Variants in ZNF469 observed in about 807,000 individuals in gnomAD.
ZNF469 encodes zinc finger protein 469.
A neutral mutation model predicts 1.0 loss-of-function variants in ZNF469; 1 was observed. The observed-to-expected ratio is 1.00, with a 90% CI of 0.35 to 4.73. ZNF469 has a LOEUF of 4.73. ZNF469 is among the 30% of genes most tolerant of loss of function. The pLI is 0.16. For synonymous variants in ZNF469, 2,703 were observed against 2,363.4 expected (o/e 1.14, Z -4.17); for missense variants, 6,100 against 5,356.3 (o/e 1.14, Z -4.33).
chr16:88,139,716 G>T, the ZNF469 span, among the ~76,000 whole-genome samples: 3 of 152,214 alleles, frequency 2.0e-5, no homozygotes, highest in African/African-American at 7.2e-5. Flanking sequence ...CTGGCCTGGG[G>T]ACATGATGAG....
At chr16:88,238,112 C>T in the ZNF469 span, among the ~76,000 whole-genome samples, 2 of 152,362 alleles carry the variant, frequency 1.3e-5, no homozygotes, top group South Asian at 4.1e-4. Flanking sequence ...ATGAAATCCA[C>T]CCTCTAATTT....
chr16:88,238,000 C>G, the ZNF469 span, among the ~76,000 whole-genome samples: 3 of 152,252 alleles, frequency 2.0e-5, no homozygotes, highest in Non-Finnish European at 2.9e-5. Flanking sequence ...CCTGGCAGTT[C>G]CTTTCTTTAT....
the ZNF469 span, among the ~76,000 whole-genome samples, chr16:88,283,210 A>G: frequency 6.6e-6 from 1 of 152,014 alleles, no homozygotes; most frequent in Admixed American, 6.6e-5. Flanking sequence ...GAAACCATCT[A>G]TACCTTGACA....
intron 1 of ZNF469, among the ~76,000 whole-genome samples, chr16:88,421,580 A>C (rs1482053413): frequency 6.6e-6 from 1 of 152,178 alleles, no homozygotes; most frequent in Non-Finnish European, 1.5e-5. Flanking sequence ...TGCTGCAGGC[A>C]AATGTCCCTG....
chr16:88,381,657 A>G (rs979174709), upstream of ZNF469, among the ~76,000 whole-genome samples: 3 of 152,264 alleles, frequency 2.0e-5, no homozygotes, highest in East Asian at 1.9e-4. Flanking sequence ...GAGGCCCCAG[A>G]TGATGCCATG....
the ZNF469 span, among the ~76,000 whole-genome samples, chr16:88,115,727 ACTCCTTCTGGG>A: frequency 6.8e-6 from 1 of 146,904 alleles, no homozygotes; most frequent in Non-Finnish European, 1.5e-5. Flanking sequence ...TTCCAGCCGT[ACTCCTTCTGGG>A]GGCTCTGGGT....
chr16:88,366,707 CCATCAT>C, the ZNF469 span, among the ~76,000 whole-genome samples: 29 of 151,602 alleles, frequency 1.9e-4, no homozygotes, highest in Admixed American at 9.8e-4. Context: ...ATCACCATCA[CCATCAT>C]CATCACCATC....
chr16:88,419,289 T>G (rs1314196463), intron 1 of ZNF469, among the ~76,000 whole-genome samples: 1 of 152,082 alleles, frequency 6.6e-6, no homozygotes, highest in Non-Finnish European at 1.5e-5. Context: ...TCAGCCCTGG[T>G]GGGCAGCCAG....
At chr16:88,103,198 G>A in the ZNF469 span, among the ~76,000 whole-genome samples, 5 of 151,780 alleles carry the variant, frequency 3.3e-5, no homozygotes, top group Non-Finnish European at 7.4e-5. Context: ...GTGGCTTTTT[G>A]GTTAAAAACA....
chr16:88,271,512 A>G, the ZNF469 span, among the ~76,000 whole-genome samples: 1 of 140,916 alleles, frequency 7.1e-6, no homozygotes. Context: ...GTAGGACGGC[A>G]TGTGTGGCAC....
In ZNF469 at chr16:88,429,850, G is replaced by A. The variant is rs2142301552; in HGVS notation, c.2380G>A (p.Ala794Thr). The A allele has an allele frequency of 6.5e-7, 1 of 1,549,612 alleles. No individual in the cohort carries two copies. Among genetic ancestry groups the A allele is most frequent in the Admixed American group, 2.0e-5 (1 of 50,998 alleles). Residue 794 changes from alanine (A) to threonine (T), a missense_variant, in exon 3 of 3, where the codon GCG becomes ACG. Ala to Thr is a moderately conservative substitution (Grantham distance 58). Transcript: ENST00000565624. ...ADAHAGLLSH[A>T]KTFLLAGDAQ... The stretch of plus-strand genomic sequence containing the variant: ...CGCACACGCGGGCTTGCTCAGCCAC[G>A]CGAAGACCTTCCTGTTAGCTGGGGA...
At chr16:88,105,805 G>A in the ZNF469 span, among the ~76,000 whole-genome samples, 1 of 152,254 alleles carries the variant, frequency 6.6e-6, no homozygotes, top group Non-Finnish European at 1.5e-5. Context: ...CGGCACGTGT[G>A]CTACGTGGTG....
chr16:88,239,493 T>C, the ZNF469 span, among the ~76,000 whole-genome samples: 4 of 139,142 alleles, frequency 2.9e-5, no homozygotes, highest in East Asian at 2.0e-4. Context: ...TGGTCTCTCT[T>C]TTTTTTTTTT....
chr16:88,370,188 A>T, the ZNF469 span, among the ~76,000 whole-genome samples: 1 of 152,186 alleles, frequency 6.6e-6, no homozygotes, highest in Non-Finnish European at 1.5e-5. Flanking sequence ...TCTTATAACC[A>T]GCTTTTTACA....
the ZNF469 span, among the ~76,000 whole-genome samples, chr16:88,148,646 G>T: frequency 3.3e-4 from 51 of 152,300 alleles, no homozygotes; most frequent in Middle Eastern, 0.014. Context: ...TCCAGAAGCT[G>T]TCAGTGGATC....
the ZNF469 span, among the ~76,000 whole-genome samples, chr16:88,342,103 G>A: frequency 9.7e-5 from 13 of 133,472 alleles, no homozygotes; most frequent in South Asian, 5.4e-4. Context: ...GAAGAAGGCC[G>A]GTGGGAGAGG....
the ZNF469 span, among the ~76,000 whole-genome samples, chr16:88,256,851 C>T: frequency 1.2e-4 from 17 of 136,834 alleles, no homozygotes; most frequent in South Asian, 4.6e-4. Flanking sequence ...TTCCTTTCTT[C>T]CTTCCTTTTT....
chr16:88,303,598 C>T, the ZNF469 span, among the ~76,000 whole-genome samples: 416 of 152,302 alleles, frequency 2.7e-3, 3 homozygotes, highest in Admixed American at 6.0e-3. Flanking sequence ...GAAGCCCTCC[C>T]GAGGGCATGG....
chr16:88,163,994 T>TGGGG, the ZNF469 span, among the ~76,000 whole-genome samples: 1 of 148,674 alleles, frequency 6.7e-6, no homozygotes, highest in Non-Finnish European at 1.5e-5. Context: ...GGTAGATGGG[T>TGGGG]GGGTAGATAT....
Sources: gnomAD v4.1 joint callset for allele counts (sites outside exome capture counted in the v4.1 genomes callset) on GRCh38, gnomAD v4.1.1 for gene constraint, MANE v1.5 for transcripts, NCBI Gene and HGNC (gene_info 2026-07-23, HGNC 2026-07-21) for gene names.